Variants in CNBD1 observed in about 807,000 individuals in gnomAD.
The protein encoded by CNBD1 is cyclic nucleotide-binding domain-containing protein 1.
A neutral mutation model predicts 54.4 loss-of-function variants in CNBD1; 71 were observed. The ratio of observed to expected loss-of-function variants is 1.30; its 90% CI spans 1.08 to 1.59. The LOEUF (loss-of-function observed/expected upper bound fraction) is 1.59, where lower values mean the gene tolerates loss of function less well. Ranked by LOEUF, CNBD1 falls within the 40% of genes most tolerant of loss-of-function variation. The pLI is 0.00. For missense variants in CNBD1, 659 were observed against 518.0 expected (o/e 1.27, Z -2.64); for synonymous variants, 182 against 170.7 (o/e 1.07, Z -0.51).
intron 4 of CNBD1, among the ~76,000 whole-genome samples, chr8:87,171,452 A>AG (rs1204996834): frequency 3.3e-5 from 5 of 151,690 alleles, no homozygotes; most frequent in African/African-American, 1.2e-4. Context: ...TATCTTTAAA[A>AG]AAAAACCAAC....
At chr8:87,301,605 C>A (rs1410105426) in intron 8 of CNBD1, among the ~76,000 whole-genome samples, 1 of 151,796 alleles carries the variant, frequency 6.6e-6, no homozygotes, top group Non-Finnish European at 1.5e-5. Flanking sequence ...ATGTGATACA[C>A]CACATAAACA....
chr8:87,177,284 A>G (rs906101401), intron 4 of CNBD1, among the ~76,000 whole-genome samples: 12 of 148,924 alleles, frequency 8.1e-5, no homozygotes, highest in African/African-American at 2.8e-4. Context: ...TTGCAATTGT[A>G]TAGATAGTTT....
intron 4 of CNBD1, among the ~76,000 whole-genome samples, chr8:87,052,080 C>T (rs1320362574): frequency 6.6e-6 from 1 of 152,182 alleles, no homozygotes; most frequent in Non-Finnish European, 1.5e-5. Context: ...ACACTGGTAA[C>T]AATTTGCAGG....
intron 4 of CNBD1, among the ~76,000 whole-genome samples, chr8:87,074,123 A>C (rs1810816576): frequency 6.8e-6 from 1 of 147,256 alleles, no homozygotes; most frequent in African/African-American, 2.6e-5. Flanking sequence ...AAAAGGCAGC[A>C]GTCTGGCTGC....
rs1035965224 is a variant in CNBD1, at chr8:87,350,838, CATG to C, written c.1043-841_1043-839del. On this transcript the variant is annotated intron_variant, in intron 8 of 10. Coordinates refer to ENST00000518476, the MANE Select transcript of CNBD1 (RefSeq NM_173538.3). ...TTTATATATTGCCAAGTATTTAAAT[CATG>C]ATGATAATTTAAAATGTTATGTAGA... 9.2e-5 allele frequency among the ~76,000 whole-genome samples: 14 copies of C among 152,024 alleles called. 1 individual carries two copies. The highest frequency in any genetic ancestry group is 8.5e-4 in the Admixed American group (13 of 15,268).
chr8:87,196,760 A>G (rs35333802), intron 4 of CNBD1, among the ~76,000 whole-genome samples: 2,401 of 152,306 alleles, frequency 0.016, 29 homozygotes, highest in Admixed American at 0.036. Context: ...TGAGGTGATC[A>G]CTGGGAGAGG....
intron 6 of CNBD1, among the ~76,000 whole-genome samples, chr8:87,279,628 T>G (rs566234709): frequency 6.6e-6 from 1 of 151,392 alleles, no homozygotes; most frequent in South Asian, 2.1e-4. Context: ...ATAAAGATAT[T>G]TCATAATGAG....
intron 4 of CNBD1, among the ~76,000 whole-genome samples, chr8:86,985,699 C>G (rs1223416800): frequency 1.3e-5 from 2 of 152,066 alleles, no homozygotes; most frequent in Non-Finnish European, 2.9e-5. Context: ...AATTTGTTTT[C>G]TTTGGGTATA....
intron 4 of CNBD1, among the ~76,000 whole-genome samples, chr8:87,183,582 T>A (rs922076662): frequency 6.6e-6 from 1 of 152,112 alleles, no homozygotes; most frequent in Non-Finnish European, 1.5e-5. Flanking sequence ...GCTAATGTGG[T>A]CATCTAGAGG....
intron 3 of CNBD1, among the ~76,000 whole-genome samples, chr8:86,914,657 TGAA>T (rs1312818531): frequency 6.6e-6 from 1 of 152,190 alleles, no homozygotes; most frequent in Non-Finnish European, 1.5e-5. Context: ...TAATATTAAG[TGAA>T]GAAGTTTCTT....
intron 4 of CNBD1, among the ~76,000 whole-genome samples, chr8:87,180,021 A>T (rs1438795692): frequency 6.6e-6 from 1 of 152,170 alleles, no homozygotes; most frequent in Non-Finnish European, 1.5e-5. Context: ...TTGTATGAAG[A>T]GTGAGACATG....
intron 8 of CNBD1, among the ~76,000 whole-genome samples, chr8:87,293,681 GAGAT>G (rs1447156480): frequency 5.3e-5 from 8 of 152,168 alleles, no homozygotes; most frequent in East Asian, 1.9e-4. Context: ...TTAAACAAAT[GAGAT>G]AGATCAAAAT....
At chr8:86,978,398 A>C (rs1440567544) in intron 4 of CNBD1, among the ~76,000 whole-genome samples, 1 of 152,138 alleles carries the variant, frequency 6.6e-6, no homozygotes, top group Non-Finnish European at 1.5e-5. Context: ...GATAATTTAG[A>C]CAGTCTGAAA....
At chr8:86,934,985 A>G (rs960321602) in intron 3 of CNBD1, among the ~76,000 whole-genome samples, 5 of 151,542 alleles carry the variant, frequency 3.3e-5, no homozygotes, top group Admixed American at 6.6e-5. Flanking sequence ...TGACTTTTGT[A>G]TTTTTCTGGA....
chr8:87,283,642 G>A (rs990259575), intron 6 of CNBD1, among the ~76,000 whole-genome samples: 1 of 152,040 alleles, frequency 6.6e-6, no homozygotes, highest in African/African-American at 2.4e-5. Context: ...CAGTTTCATG[G>A]CTAGATAGCC....
At chr8:87,123,340 C>T (rs1811926452) in intron 4 of CNBD1, among the ~76,000 whole-genome samples, 1 of 151,400 alleles carries the variant, frequency 6.6e-6, no homozygotes, top group Non-Finnish European at 1.5e-5. Context: ...TGGTATGAAA[C>T]TAGAAATCAG....
At chr8:86,969,280 A>G (rs958376597) in intron 4 of CNBD1, among the ~76,000 whole-genome samples, 1 of 152,160 alleles carries the variant, frequency 6.6e-6, no homozygotes, top group Non-Finnish European at 1.5e-5. Context: ...CAACTTTTCC[A>G]CAGATAAATA....
At chr8:87,214,478 T>C (rs548274301) in intron 5 of CNBD1, among the ~76,000 whole-genome samples, 1 of 152,318 alleles carries the variant, frequency 6.6e-6, no homozygotes, top group Non-Finnish European at 1.5e-5. Flanking sequence ...CATTTTCCTG[T>C]CTTCTTCTGA....
chr8:87,072,740 AT>A (rs917114895), intron 4 of CNBD1, among the ~76,000 whole-genome samples: 12 of 146,516 alleles, frequency 8.2e-5, no homozygotes, highest in South Asian at 4.4e-4. Context: ...TGCCCTTGAT[AT>A]TTTTTTTTCC....
Sources: allele counts gnomAD v4.1 joint callset (sites outside exome capture counted in the v4.1 genomes callset), GRCh38; gene constraint gnomAD v4.1.1; transcripts MANE v1.5; gene names NCBI Gene and HGNC (gene_info 2026-07-23, HGNC 2026-07-21).